The following PCDH9 variants were observed in gnomAD, a reference collection of about 807,000 sequenced individuals.
PCDH9 encodes the protein protocadherin 9.
Under a neutral mutation model 70.6 loss-of-function variants are expected in PCDH9, and 24 were observed. The observed-to-expected ratio is 0.34, with a 90% CI of 0.25 to 0.48. The LOEUF (loss-of-function observed/expected upper bound fraction) is 0.48, where lower values mean the gene tolerates loss of function less well. PCDH9 is among the 20% of genes least tolerant of loss of function. The probability of loss-of-function intolerance (pLI) is 0.99; values close to 1 mark genes in which losing one functional copy is unlikely to be tolerated. For synonymous variants in PCDH9, 562 were observed against 558.5 expected (o/e 1.01, Z -0.09); for missense variants, 1,281 against 1,503.6 (o/e 0.85, Z 2.45).
intron 3 of PCDH9, among the ~76,000 whole-genome samples, chr13:66,856,855 C>T (rs9943914): frequency 0.043 from 6,523 of 152,034 alleles, 474 homozygotes; most frequent in African/African-American, 0.15. Context: ...CAATCATATA[C>T]CCTAATAACC....
At chr13:66,626,858 T>C (rs954447025) in intron 4 of PCDH9, among the ~76,000 whole-genome samples, 2 of 152,090 alleles carry the variant, frequency 1.3e-5, no homozygotes, top group East Asian at 3.9e-4. Flanking sequence ...AAGAGTTAGA[T>C]ATAATATAAA....
Position 66,889,804 on chromosome 13 carries a change from C to G in PCDH9, c.3138+13700G>C, listed in dbSNP as rs9564357. On this transcript the variant is annotated intron_variant, in intron 3 of 4. Transcript: ENST00000377865. ...GAGAAAGAGGCACAATTCAATAAAG[C>G]AAAATTCACTCCTGCTGAGATGTTT... Among the ~76,000 whole-genome samples the G allele has an allele frequency of 1.9e-3, 283 of 152,282 alleles. 3 individuals carry two copies. The East Asian group carries it at 0.019, about 10-fold the overall frequency.
At chr13:66,732,517 T>C (rs1375857231) in intron 3 of PCDH9, among the ~76,000 whole-genome samples, 1 of 152,002 alleles carries the variant, frequency 6.6e-6, no homozygotes, top group Non-Finnish European at 1.5e-5. Context: ...GAAAAAATAT[T>C]ACCACCCCAA....
intron 2 of PCDH9, among the ~76,000 whole-genome samples, chr13:67,110,344 G>A (rs919443777): frequency 6.6e-6 from 1 of 151,266 alleles, no homozygotes; most frequent in African/African-American, 2.4e-5. Context: ...GTGAAACCCC[G>A]TCTCCACTAA....
At chr13:66,574,609 T>C (rs769347929) in intron 4 of PCDH9, among the ~76,000 whole-genome samples, 54 of 152,224 alleles carry the variant, frequency 3.5e-4, no homozygotes, top group Non-Finnish European at 3.8e-4. Context: ...ACTTAATGCA[T>C]CTTTCAAAAA....
intron 2 of PCDH9, among the ~76,000 whole-genome samples, chr13:66,935,765 C>T (rs949278848): frequency 1.3e-5 from 2 of 152,040 alleles, no homozygotes; most frequent in Non-Finnish European, 2.9e-5. Flanking sequence ...TACAGAACAA[C>T]CCTTTTCAAT....
chr13:66,821,072 G>A (rs1566216624), intron 3 of PCDH9, among the ~76,000 whole-genome samples: 1 of 152,136 alleles, frequency 6.6e-6, no homozygotes, highest in East Asian at 1.9e-4. Flanking sequence ...TCTGATTATA[G>A]AGCAGATTCA....
chr13:66,949,697 C>T (rs968841125), intron 2 of PCDH9, among the ~76,000 whole-genome samples: 1 of 151,844 alleles, frequency 6.6e-6, no homozygotes, highest in African/African-American at 2.4e-5. Flanking sequence ...GGATCATCTC[C>T]ATCGACTAGT....
At chr13:67,163,698 A>G (rs1424952336) in intron 2 of PCDH9, among the ~76,000 whole-genome samples, 2 of 152,246 alleles carry the variant, frequency 1.3e-5, no homozygotes, top group African/African-American at 2.4e-5. Context: ...TAAACACTGT[A>G]TAATGTTTGC....
chr13:66,562,862 T>C (rs891122432), intron 4 of PCDH9, among the ~76,000 whole-genome samples: 2 of 152,128 alleles, frequency 1.3e-5, no homozygotes, highest in Non-Finnish European at 2.9e-5. Context: ...AACTAGCAGT[T>C]TATGCTTATA....
chr13:66,397,383 C>A (rs965548208), intron 4 of PCDH9, among the ~76,000 whole-genome samples: 1 of 151,890 alleles, frequency 6.6e-6, no homozygotes, highest in African/African-American at 2.4e-5. Flanking sequence ...CATACCACTG[C>A]ACCCCAGCCT....
chr13:66,500,052 C>G (rs544660271), intron 4 of PCDH9, among the ~76,000 whole-genome samples: 45 of 152,306 alleles, frequency 3.0e-4, no homozygotes, highest in Non-Finnish European at 3.8e-4. Flanking sequence ...TTGTAAATTA[C>G]CCAGTCTCAG....
chr13:66,970,190 T>C (rs1173113414), intron 2 of PCDH9, among the ~76,000 whole-genome samples: 2 of 152,018 alleles, frequency 1.3e-5, no homozygotes, highest in Admixed American at 1.3e-4. Flanking sequence ...GCATTACAAC[T>C]AGAGATAGTG....
intron 4 of PCDH9, among the ~76,000 whole-genome samples, chr13:66,405,906 A>C (rs1226149158): frequency 8.2e-6 from 1 of 121,512 alleles, no homozygotes; most frequent in African/African-American, 3.0e-5. Context: ...TTCAAAGATA[A>C]ATTACATGGA....
intron 4 of PCDH9, among the ~76,000 whole-genome samples, chr13:66,559,799 C>CAAA (rs71205593): frequency 0.041 from 417 of 10,134 alleles, 16 homozygotes; most frequent in Non-Finnish European, 0.05. Flanking sequence ...GACTCCATCT[C>CAAA]AAAAAAAAAA....
intron 3 of PCDH9, among the ~76,000 whole-genome samples, chr13:66,819,716 T>C (rs1200475282): frequency 6.6e-6 from 1 of 151,932 alleles, no homozygotes; most frequent in African/African-American, 2.4e-5. Context: ...AGAGTGAGAC[T>C]CCCATCTTTA....
chr13:66,635,644 T>C (rs986184147), intron 3 of PCDH9, among the ~76,000 whole-genome samples: 4 of 152,108 alleles, frequency 2.6e-5, no homozygotes, highest in African/African-American at 7.2e-5. Context: ...TGTCCTGCAC[T>C]GAGCATTGTT....
intron 2 of PCDH9, among the ~76,000 whole-genome samples, chr13:66,992,755 A>G (rs1422633021): frequency 6.6e-6 from 1 of 152,184 alleles, no homozygotes; most frequent in African/African-American, 2.4e-5. Context: ...GACAAAAAAT[A>G]GCACAGAAGA....
chr13:67,203,558 G>A (rs746887930), intron 2 of PCDH9: 5 of 152,082 alleles, frequency 3.3e-5, no homozygotes, highest in Non-Finnish European at 4.4e-5. Flanking sequence ...GTCTGTAAAG[G>A]TGATACCAAA....
Sources: allele counts gnomAD v4.1 joint callset (sites outside exome capture counted in the v4.1 genomes callset), GRCh38; gene constraint gnomAD v4.1.1; transcripts MANE v1.5; gene names NCBI Gene and HGNC (gene_info 2026-07-23, HGNC 2026-07-21).